Variants in EYA2 observed in about 807,000 individuals in gnomAD.
The protein encoded by EYA2 is EYA transcriptional coactivator and phosphatase 2.
A neutral mutation model predicts 69.2 loss-of-function variants in EYA2; 31 were observed. The ratio of observed to expected loss-of-function variants is 0.45; its 90% CI spans 0.34 to 0.60. The LOEUF (loss-of-function observed/expected upper bound fraction) is 0.60, where lower values mean the gene tolerates loss of function less well. Among genes scored for constraint, EYA2 ranks in the 20% least tolerant of loss-of-function variants. The probability of loss-of-function intolerance (pLI) is 0.02; values close to 1 mark genes in which losing one functional copy is unlikely to be tolerated. For missense variants in EYA2, 622 were observed against 701.2 expected (o/e 0.89, Z 1.28); for synonymous variants, 257 against 279.4 (o/e 0.92, Z 0.80).
chr20:46,917,314 T>C (rs1984953425), intron 1 of EYA2, among the ~76,000 whole-genome samples: 2 of 152,210 alleles, frequency 1.3e-5, no homozygotes, highest in African/African-American at 4.8e-5. Flanking sequence ...ATGCACAGAC[T>C]CCCTGCCAAG....
chr20:47,044,325 A>G (rs2029919973), intron 5 of EYA2, among the ~76,000 whole-genome samples: 1 of 152,184 alleles, frequency 6.6e-6, no homozygotes, highest in Non-Finnish European at 1.5e-5. Context: ...TTCATTCAGC[A>G]TATGTTGGGT....
intron 1 of EYA2, among the ~76,000 whole-genome samples, chr20:46,918,136 C>T (rs1171359283): frequency 6.6e-6 from 1 of 151,968 alleles, no homozygotes. Context: ...CTGGCTAACA[C>T]GCTGAATCCC....
At chr20:46,920,283 C>T (rs1230123226) in intron 1 of EYA2, among the ~76,000 whole-genome samples, 1 of 150,968 alleles carries the variant, frequency 6.6e-6, no homozygotes, top group Non-Finnish European at 1.5e-5. Flanking sequence ...AGCAATAAAA[C>T]GAGGTCTTCC....
chr20:47,087,527 T>C lies in EYA2; in HGVS notation c.662-1712T>C, dbSNP rs117591231. Among the ~76,000 whole-genome samples the C allele has an allele frequency of 3.3e-3, 497 of 152,304 alleles. 3 individuals carry two copies. The highest frequency in any genetic ancestry group is 5.8e-3 in the Non-Finnish European group (394 of 68,032). On this transcript the variant is annotated intron_variant, in intron 7 of 15. Transcript: ENST00000327619. ...AGTAAGTCACCTCACTAAACCTGAG[T>C]TACCTCGTTAGCTAAATAAGGATAG...
chr20:47,038,174 A>C (rs1418037027), intron 5 of EYA2, among the ~76,000 whole-genome samples: 1 of 152,154 alleles, frequency 6.6e-6, no homozygotes, highest in Non-Finnish European at 1.5e-5. Context: ...GAAGCTGATG[A>C]TTTTAGGTAG....
At chr20:47,058,726 G>GGGA (rs1374184098) in intron 5 of EYA2, among the ~76,000 whole-genome samples, 1 of 152,180 alleles carries the variant, frequency 6.6e-6, no homozygotes, top group Non-Finnish European at 1.5e-5. Flanking sequence ...TGTAGTCCCT[G>GGGA]CTACTTGGGA....
chr20:46,928,334 C>A (rs975348144), intron 1 of EYA2, among the ~76,000 whole-genome samples: 2 of 152,208 alleles, frequency 1.3e-5, no homozygotes, highest in South Asian at 2.1e-4. Context: ...TTTGGCCACT[C>A]TTAAGCTTCG....
chr20:47,074,796 GT>G (rs2031451809), intron 7 of EYA2, among the ~76,000 whole-genome samples: 2 of 152,268 alleles, frequency 1.3e-5, no homozygotes, highest in South Asian at 4.1e-4. Context: ...AGGCCTTGGA[GT>G]TGATGAACCC....
intron 4 of EYA2, among the ~76,000 whole-genome samples, chr20:47,008,244 T>A (rs538546229): frequency 1.1e-4 from 16 of 152,340 alleles, no homozygotes; most frequent in African/African-American, 3.8e-4. Flanking sequence ...GGTCATCTCA[T>A]TATCCTCCCT....
In EYA2 at chr20:46,935,095, C is replaced by T. The variant is rs547149300; in HGVS notation, c.-11+40108C>T. On this transcript the variant is annotated intron_variant, in intron 1 of 15. Coordinates refer to ENST00000327619, the MANE Select transcript of EYA2 (RefSeq NM_005244.5). ...GGAGGAGGTTGCGCACCAGTCTAGACGGGAGTGGCTAAGACTTAGCTGGGG... is the reference window on the plus strand; with the variant it reads ...GGAGGAGGTTGCGCACCAGTCTAGATGGGAGTGGCTAAGACTTAGCTGGGG... Among the ~76,000 whole-genome samples, 3 of 152,278 alleles carry T rather than the reference C, an allele frequency of 2.0e-5. No homozygotes were observed. In the South Asian group the frequency reaches 6.2e-4, roughly 32 times the overall value.
intron 5 of EYA2, among the ~76,000 whole-genome samples, chr20:47,053,278 C>G (rs1206740839): frequency 6.6e-6 from 1 of 152,206 alleles, no homozygotes; most frequent in East Asian, 1.9e-4. Flanking sequence ...GCAAGTTTCT[C>G]AGCAAGAAAG....
At chr20:47,051,286 C>T (rs963893621) in intron 5 of EYA2, among the ~76,000 whole-genome samples, 1 of 152,228 alleles carries the variant, frequency 6.6e-6, no homozygotes, top group African/African-American at 2.4e-5. Flanking sequence ...CGGCCATCTG[C>T]TGTGAAGAAA....
intron 5 of EYA2, among the ~76,000 whole-genome samples, chr20:47,060,460 A>C (rs192757507): frequency 4.8e-4 from 73 of 152,352 alleles, no homozygotes; most frequent in African/African-American, 1.7e-3. Flanking sequence ...CCCCTTGGCC[A>C]AAACTAGATA....
chr20:46,920,630 G>A (rs960742215), intron 1 of EYA2, among the ~76,000 whole-genome samples: 2 of 152,106 alleles, frequency 1.3e-5, no homozygotes, highest in Non-Finnish European at 2.9e-5. Context: ...AGGTCCATTG[G>A]GGAAATCTCT....
intron 1 of EYA2, among the ~76,000 whole-genome samples, chr20:46,937,942 C>T (rs1243137551): frequency 6.6e-6 from 1 of 152,118 alleles, no homozygotes; most frequent in Non-Finnish European, 1.5e-5. Flanking sequence ...GGGAGCCAGG[C>T]CCTGATTTAA....
intron 13 of EYA2, 142 bp from the exon 14 acceptor site, chr20:47,180,673 C>T (rs906178456): frequency 1.7e-5 from 17 of 983,736 alleles, no homozygotes; most frequent in Non-Finnish European, 2.3e-5. Context: ...CCTGAGAATC[C>T]TTGGGCCCTA....
intron 12 of EYA2, among the ~76,000 whole-genome samples, chr20:47,173,226 T>C: frequency 6.6e-6 from 1 of 152,132 alleles, no homozygotes; most frequent in Non-Finnish European, 1.5e-5. Flanking sequence ...GCAGATTCTC[T>C]GGCCCTACCT....
intron 14 of EYA2, among the ~76,000 whole-genome samples, chr20:47,181,218 G>T (rs2034531683): frequency 6.6e-6 from 1 of 152,232 alleles, no homozygotes; most frequent in African/African-American, 2.4e-5. Context: ...GCTTGCAAAA[G>T]AGTCAAAGCT....
At chr20:46,984,921 T>C (rs1480071258) in intron 1 of EYA2, among the ~76,000 whole-genome samples, 1 of 152,226 alleles carries the variant, frequency 6.6e-6, no homozygotes, top group Non-Finnish European at 1.5e-5. Flanking sequence ...CAGTATAGAA[T>C]TATAGCTACA....
Sources: allele counts gnomAD v4.1 joint callset (sites outside exome capture counted in the v4.1 genomes callset), GRCh38; gene constraint gnomAD v4.1.1; transcripts MANE v1.5; gene names NCBI Gene and HGNC (gene_info 2026-07-23, HGNC 2026-07-21).